CSMD3: variants seen among roughly 807,000 people sequenced by gnomAD.
CSMD3 encodes the protein CUB and Sushi multiple domains 3, also known as CUB and sushi domain-containing protein 3.
In CSMD3, 177 loss-of-function variants were observed where a neutral mutation model predicts 435.2. The ratio of observed to expected loss-of-function variants is 0.41; its 90% CI spans 0.36 to 0.46. The LOEUF (loss-of-function observed/expected upper bound fraction) is 0.46. Among genes scored for constraint, CSMD3 ranks in the 20% least tolerant of loss-of-function variants. CSMD3 has a pLI of 0.34. For missense variants in CSMD3, 4,265 were observed against 4,504.6 expected (o/e 0.95, Z 1.52); for synonymous variants, 1,656 against 1,520.5 (o/e 1.09, Z -2.07).
At chr8:112,908,686 T>C (rs1012500620) in intron 10 of CSMD3, among the ~76,000 whole-genome samples, 6 of 151,532 alleles carry the variant, frequency 4.0e-5, no homozygotes, top group Non-Finnish European at 7.4e-5. Context: ...TCAAATGTGG[T>C]CTTTGGTATT....
chr8:112,567,225 T>C (rs1479906156), intron 24 of CSMD3, among the ~76,000 whole-genome samples: 4 of 152,158 alleles, frequency 2.6e-5, no homozygotes, highest in Non-Finnish European at 5.9e-5. Flanking sequence ...TAGAACCCTT[T>C]GCCTGTATGT....
At position 112,234,366 on chromosome 8, in the gene CSMD3, A is replaced by T. The variant is rs1282875257; in HGVS notation, c.10739T>A (p.Phe3580Tyr). 1 of 1,584,370 alleles carries T rather than the reference A, an allele frequency of 6.3e-7. No homozygotes were observed. The highest frequency in any genetic ancestry group is 8.7e-7 in the Non-Finnish European group (1 of 1,153,660). ...AGATGTTAAAATAACTATACTTACA[A>T]AGCCATCCATTGCCCAATTTTCTTC... ...MKEENWAMDG[F>Y]VSAEPDGATY... The change falls in exon 68 of 71, where the codon TTT becomes TAT. Residue 3580 changes from phenylalanine to tyrosine, a missense_variant and splice_region_variant. Around this residue, in one of 3 missense-constraint regions of CSMD3, gnomAD observed 3,255 missense variants for 3,380.2 expected, o/e 0.96. Transcript: ENST00000297405.
intron 4 of CSMD3, among the ~76,000 whole-genome samples, chr8:113,141,599 C>T (rs73342276): frequency 6.6e-6 from 1 of 150,528 alleles, no homozygotes; most frequent in South Asian, 2.1e-4. Context: ...ATAATAATAT[C>T]AGTTAATGCA....
chr8:112,322,035 C>A (rs564600893), intron 45 of CSMD3, among the ~76,000 whole-genome samples: 12 of 152,190 alleles, frequency 7.9e-5, no homozygotes, highest in African/African-American at 2.6e-4. Context: ...ACAGAGAAAT[C>A]TTTCTGAGAC....
chr8:113,216,224 G>C (rs1024711690), intron 3 of CSMD3, among the ~76,000 whole-genome samples: 2 of 151,730 alleles, frequency 1.3e-5, no homozygotes, highest in African/African-American at 4.8e-5. Flanking sequence ...TGATCTATAA[G>C]TGTTGTCTAA....
At chr8:112,663,126 C>G (rs1376039562) in intron 17 of CSMD3, among the ~76,000 whole-genome samples, 3 of 152,048 alleles carry the variant, frequency 2.0e-5, no homozygotes, top group African/African-American at 7.2e-5. Flanking sequence ...CCCAGCCATC[C>G]CATTACTGGG....
intron 1 of CSMD3, among the ~76,000 whole-genome samples, chr8:113,417,227 A>C (rs1307899354): frequency 6.6e-6 from 1 of 152,028 alleles, no homozygotes; most frequent in South Asian, 2.1e-4. Flanking sequence ...ACATCCTTAC[A>C]TATGTAAAGT....
chr8:112,753,682 G>A (rs1302202225), intron 13 of CSMD3, among the ~76,000 whole-genome samples: 1 of 152,202 alleles, frequency 6.6e-6, no homozygotes, highest in African/African-American at 2.4e-5. Context: ...TATATAGAGT[G>A]TGAGCAGAAC....
intron 4 of CSMD3, among the ~76,000 whole-genome samples, chr8:113,171,890 C>CT (rs2092274639): frequency 1.3e-5 from 2 of 152,198 alleles, no homozygotes; most frequent in South Asian, 2.1e-4. Flanking sequence ...AAGGATAACT[C>CT]TGCTTACAGC....
intron 10 of CSMD3, among the ~76,000 whole-genome samples, chr8:112,877,761 C>A (rs1221570910): frequency 6.6e-6 from 1 of 152,108 alleles, no homozygotes; most frequent in African/African-American, 2.4e-5. Flanking sequence ...AGAAATAACA[C>A]CACACATCTA....
At chr8:112,371,975 G>T (rs908741004) in intron 38 of CSMD3, among the ~76,000 whole-genome samples, 1 of 151,936 alleles carries the variant, frequency 6.6e-6, no homozygotes, top group East Asian at 1.9e-4. Flanking sequence ...AAATTAATCT[G>T]CAGTGAACAA....
intron 2 of CSMD3, among the ~76,000 whole-genome samples, chr8:113,279,067 G>C (rs1251970811): frequency 6.6e-6 from 1 of 151,116 alleles, no homozygotes; most frequent in East Asian, 1.9e-4. Context: ...GTGAAACCTA[G>C]TGACTAAGTT....
chr8:113,429,035 CTATT>C (rs1586184660), intron 1 of CSMD3, among the ~76,000 whole-genome samples: 1 of 151,690 alleles, frequency 6.6e-6, no homozygotes, highest in African/African-American at 2.4e-5. Context: ...TCACTCATGA[CTATT>C]TATATATTTC....
chr8:113,394,132 T>A (rs1281452826), intron 1 of CSMD3, among the ~76,000 whole-genome samples: 1 of 146,602 alleles, frequency 6.8e-6, no homozygotes, highest in Non-Finnish European at 1.5e-5. Context: ...AACTGGGTAC[T>A]AAAAAAACTC....
intron 1 of CSMD3, among the ~76,000 whole-genome samples, chr8:113,403,616 G>A (rs1030981023): frequency 6.6e-6 from 1 of 151,314 alleles, no homozygotes; most frequent in Non-Finnish European, 1.5e-5. Context: ...ATTCTAAAGG[G>A]AAAGCAATTT....
At chr8:112,599,965 CACATGTAA>C (rs1243754551) in intron 22 of CSMD3, among the ~76,000 whole-genome samples, 2 of 149,230 alleles carry the variant, frequency 1.3e-5, no homozygotes, top group Non-Finnish European at 3.0e-5. Context: ...CACATGTATA[CACATGTAA>C]CTAACCTGCA....
intron 13 of CSMD3, among the ~76,000 whole-genome samples, chr8:112,771,423 C>G (rs2078111499): frequency 6.6e-6 from 1 of 152,064 alleles, no homozygotes; most frequent in Non-Finnish European, 1.5e-5. Context: ...CCTGTAATTC[C>G]AGCTACTTGG....
At chr8:113,121,743 GA>G (rs1306321087) in intron 4 of CSMD3, among the ~76,000 whole-genome samples, 14 of 151,496 alleles carry the variant, frequency 9.2e-5, no homozygotes, top group Non-Finnish European at 1.8e-4. Flanking sequence ...TTCCACTTCT[GA>G]AAAAAAATGG....
chr8:113,292,580 A>G (rs1217217747), intron 2 of CSMD3, among the ~76,000 whole-genome samples: 1 of 151,944 alleles, frequency 6.6e-6, no homozygotes, highest in Admixed American at 6.6e-5. Flanking sequence ...AAAATAATAG[A>G]CAATTTACAC....
Sources: allele counts gnomAD v4.1 joint callset (sites outside exome capture counted in the v4.1 genomes callset), GRCh38; gene constraint gnomAD v4.1.1; regional missense constraint gnomAD v4.1.1; transcripts MANE v1.5; gene names NCBI Gene and HGNC (gene_info 2026-07-23, HGNC 2026-07-21).